ADCY2: variants seen among roughly 807,000 people sequenced by gnomAD.
The protein encoded by ADCY2 is adenylate cyclase 2.
In ADCY2, 31 loss-of-function variants were observed where a neutral mutation model predicts 125.2. The observed-to-expected ratio is 0.25, with a 90% CI of 0.19 to 0.33. The LOEUF (loss-of-function observed/expected upper bound fraction) is 0.33. Among genes scored for constraint, ADCY2 ranks in the 10% least tolerant of loss-of-function variants. The pLI, the probability that ADCY2 is intolerant of heterozygous loss-of-function variation, is 1.00. For synonymous variants in ADCY2, 512 were observed against 548.4 expected (o/e 0.93, Z 0.93); for missense variants, 904 against 1,418.2 (o/e 0.64, Z 5.82).
chr5:7,660,894 C>T (rs559256067), intron 4 of ADCY2, among the ~76,000 whole-genome samples: 29 of 152,274 alleles, frequency 1.9e-4, no homozygotes, highest in African/African-American at 6.3e-4. Context: ...AGCTCAGAAG[C>T]AGGGAAGGGT....
At chr5:7,409,354 A>C (rs1739625357) in intron 1 of ADCY2, among the ~76,000 whole-genome samples, 1 of 152,214 alleles carries the variant, frequency 6.6e-6, no homozygotes, top group African/African-American at 2.4e-5. Context: ...CTTCTGTATC[A>C]AATCTGCACA....
rs763078571 is a variant in ADCY2 at position 7,789,758 on chromosome 5, G to A, written c.2586G>A (p.Ala862=). 52 of 1,593,232 alleles carry A rather than the reference G, an allele frequency of 3.3e-5. No homozygotes were observed. Among genetic ancestry groups the A allele is most frequent in the Admixed American group, 1.0e-4 (6 of 59,270 alleles). The change falls in exon 20 of 25, where the codon GCG becomes GCA. Residue 862 remains alanine (A), a synonymous_variant. Coordinates refer to ENST00000338316, the MANE Select transcript of ADCY2 (RefSeq NM_020546.3). ...TGCTGCTGGAGAACGTGCTTCCCGC[G>A]CACGTGGCTGAGCACTTCCTGGCCA... ...NRVLLENVLP[A]HVAEHFLARS...
intron 3 of ADCY2, among the ~76,000 whole-genome samples, chr5:7,589,251 G>C (rs886453660): frequency 1.3e-5 from 2 of 151,680 alleles, no homozygotes; most frequent in Non-Finnish European, 2.9e-5. Flanking sequence ...TTAGTAAAAG[G>C]CTAGGGAAAA....
chr5:7,792,188 A>G (rs1344286380), intron 20 of ADCY2, among the ~76,000 whole-genome samples: 1 of 145,318 alleles, frequency 6.9e-6, no homozygotes, highest in Admixed American at 7.4e-5. Context: ...CCTGGCCAAC[A>G]TGGAGAAACC....
At chr5:7,409,318 A>G (rs960326668) in intron 1 of ADCY2, among the ~76,000 whole-genome samples, 3 of 152,200 alleles carry the variant, frequency 2.0e-5, no homozygotes, top group Non-Finnish European at 4.4e-5. Flanking sequence ...AATAATCTGT[A>G]CAACAAACCC....
chr5:7,533,080 CAT>C (rs991663996), intron 3 of ADCY2, among the ~76,000 whole-genome samples: 15 of 148,790 alleles, frequency 1.0e-4, no homozygotes, highest in East Asian at 2.0e-4. Context: ...CATATATAAA[CAT>C]ATATGTATAT....
chr5:7,640,702 T>A (rs1441086200), intron 4 of ADCY2, among the ~76,000 whole-genome samples: 1 of 152,120 alleles, frequency 6.6e-6, no homozygotes, highest in Non-Finnish European at 1.5e-5. Flanking sequence ...ATGAACAATA[T>A]AAGAGGGAAG....
intron 9 of ADCY2, among the ~76,000 whole-genome samples, chr5:7,708,734 G>A (rs1429818001): frequency 2.0e-5 from 3 of 152,144 alleles, no homozygotes; most frequent in African/African-American, 7.2e-5. Flanking sequence ...TGATCGATCT[G>A]GAGATAGATG....
In ADCY2 at chr5:7,818,836, C is replaced by A. The variant is rs183141228; in HGVS notation, c.2999-1729C>A. On this transcript the variant is annotated intron_variant, in intron 23 of 24. Coordinates refer to ENST00000338316, the MANE Select transcript of ADCY2 (RefSeq NM_020546.3). ...GGGCTCCTCAAATTTTGCTACTATA[C>A]CTCTTTAAAATAAAAAAAAATGTAT... Among the ~76,000 whole-genome samples, 60 of 151,998 alleles carry A rather than the reference C, an allele frequency of 3.9e-4. 1 individual carries two copies. Among genetic ancestry groups the A allele is most frequent in the Middle Eastern group, 6.8e-3 (2 of 294 alleles).
At chr5:7,562,147 T>C (rs1735728093) in intron 3 of ADCY2, among the ~76,000 whole-genome samples, 1 of 152,064 alleles carries the variant, frequency 6.6e-6, no homozygotes, top group Non-Finnish European at 1.5e-5. Context: ...CTCTCAATTT[T>C]AATATTTGGC....
chr5:7,457,782 C>T (rs1443272102), intron 2 of ADCY2, among the ~76,000 whole-genome samples: 6 of 152,182 alleles, frequency 3.9e-5, no homozygotes, highest in Non-Finnish European at 8.8e-5. Context: ...TCATTTTTCT[C>T]TGAAGCTGAG....
intron 3 of ADCY2, among the ~76,000 whole-genome samples, chr5:7,572,855 G>A (rs1736107379): frequency 6.6e-6 from 1 of 152,116 alleles, no homozygotes; most frequent in South Asian, 2.1e-4. Flanking sequence ...CATATGAGTA[G>A]CCAGTTATTC....
intron 7 of ADCY2, among the ~76,000 whole-genome samples, chr5:7,703,213 T>C (rs1318354904): frequency 1.3e-5 from 2 of 152,258 alleles, no homozygotes; most frequent in East Asian, 3.8e-4. Context: ...TCTTTTGCTG[T>C]GCAGAAGCTC....
intron 4 of ADCY2, among the ~76,000 whole-genome samples, chr5:7,688,969 T>C (rs894204673): frequency 1.3e-5 from 2 of 152,214 alleles, no homozygotes; most frequent in African/African-American, 4.8e-5. Flanking sequence ...TTTATGCGTT[T>C]TGGGGATTAG....
intron 3 of ADCY2, among the ~76,000 whole-genome samples, chr5:7,552,741 G>A (rs1473418383): frequency 6.6e-6 from 1 of 152,084 alleles, no homozygotes; most frequent in Admixed American, 6.5e-5. Context: ...AAATAACTTG[G>A]CCTTATTAAC....
intron 2 of ADCY2, among the ~76,000 whole-genome samples, chr5:7,490,494 A>C (rs1743120882): frequency 1.3e-5 from 2 of 152,182 alleles, no homozygotes; most frequent in Non-Finnish European, 2.9e-5. Context: ...CAATGAGGCC[A>C]CAGAGGCTTT....
chr5:7,408,508 C>T (rs1473326047), intron 1 of ADCY2, among the ~76,000 whole-genome samples: 1 of 151,112 alleles, frequency 6.6e-6, no homozygotes, highest in Non-Finnish European at 1.5e-5. Context: ...GCTGGGATTA[C>T]AGGCATGTGC....
chr5:7,707,874 G>A (rs771646450), intron 9 of ADCY2, 36 bp downstream of exon 9: 6 of 1,595,308 alleles, frequency 3.8e-6, no homozygotes, highest in Admixed American at 1.7e-5. Flanking sequence ...GATGAAAAGG[G>A]AGGAGGAGCA....
chr5:7,768,294 A>G (rs1015223909), intron 17 of ADCY2, among the ~76,000 whole-genome samples: 1 of 152,190 alleles, frequency 6.6e-6, no homozygotes, highest in African/African-American at 2.4e-5. Flanking sequence ...GTGAGAGTTT[A>G]TTGACTGTAA....
Sources: gnomAD v4.1 joint callset for allele counts (sites outside exome capture counted in the v4.1 genomes callset) on GRCh38, gnomAD v4.1.1 for gene constraint, MANE v1.5 for transcripts, NCBI Gene and HGNC (gene_info 2026-07-23, HGNC 2026-07-21) for gene names.